Variants in RFX3 observed in about 807,000 individuals in gnomAD.
RFX3 encodes the protein transcription factor RFX3.
Under a neutral mutation model 98.6 loss-of-function variants are expected in RFX3, and 14 were observed. The observed-to-expected ratio is 0.14, with a 90% CI of 0.09 to 0.22. The LOEUF (loss-of-function observed/expected upper bound fraction) is 0.22. RFX3 is among the 10% of genes least tolerant of loss of function. The pLI, the probability that RFX3 is intolerant of heterozygous loss-of-function variation, is 1.00. For missense variants in RFX3, 639 were observed against 926.9 expected (o/e 0.69, Z 4.03); for synonymous variants, 383 against 328.4 (o/e 1.17, Z -1.80).
intron 2 of RFX3, among the ~76,000 whole-genome samples, chr9:3,352,838 G>C (rs1454134152): frequency 1.3e-5 from 2 of 152,050 alleles, no homozygotes; most frequent in African/African-American, 4.8e-5. Flanking sequence ...AACTAGGACA[G>C]AATGATGGTC....
chr9:3,221,699 C>A lies in RFX3; in HGVS notation c.*3343G>T, dbSNP rs1049849239. 1 of 152,130 alleles carries A rather than the reference C, an allele frequency of 6.6e-6. No individual in the cohort carries two copies. Among genetic ancestry groups the A allele is most frequent in the Admixed American group, 6.6e-5 (1 of 15,254 alleles). 9.4% of individuals were successfully genotyped at this position (152,130 alleles called of 1,614,324 possible). ...CCTGTCTTCCAAGGAGATGGTTCAT[C>A]CATTCCACCCTATTGTTCACTGGTT... On this transcript the variant is annotated 3_prime_UTR_variant, in exon 17 of 17. Coordinates refer to ENST00000617270, the MANE Select transcript of RFX3 (RefSeq NM_001282116.2).
intron 4 of RFX3, among the ~76,000 whole-genome samples, chr9:3,325,534 A>C (rs1831811445): frequency 6.6e-6 from 1 of 152,126 alleles, no homozygotes; most frequent in South Asian, 2.1e-4. Flanking sequence ...ATAAAGGTGT[A>C]AAAATTAACT....
chr9:3,277,585 A>AT (rs1402736009), intron 7 of RFX3, 124 bp from the exon 8 acceptor site: 5 of 769,992 alleles, frequency 6.5e-6, no homozygotes, highest in Admixed American at 3.1e-5. Flanking sequence ...TAGTTGTAGG[A>AT]TTTTTTTCCT....
intron 15 of RFX3, among the ~76,000 whole-genome samples, chr9:3,240,647 T>C (rs768037604): frequency 1.3e-5 from 2 of 152,184 alleles, no homozygotes; most frequent in South Asian, 2.1e-4. Flanking sequence ...TGACATTTTA[T>C]GGTAGTATAT....
At chr9:3,351,521 TAAAC>T (rs747802230) in intron 2 of RFX3, among the ~76,000 whole-genome samples, 6 of 151,842 alleles carry the variant, frequency 4.0e-5, no homozygotes, top group East Asian at 3.9e-4. Context: ...ACTAACAACA[TAAAC>T]AAAGTTCAAA....
At chr9:3,493,592 G>A (rs1014984862) in intron 1 of RFX3, among the ~76,000 whole-genome samples, 2 of 149,870 alleles carry the variant, frequency 1.3e-5, no homozygotes, top group Non-Finnish European at 1.5e-5. Flanking sequence ...GCTGTGGCAG[G>A]AGAATGGTGT....
At chr9:3,281,997 T>A (rs1825972232) in intron 7 of RFX3, among the ~76,000 whole-genome samples, 1 of 151,778 alleles carries the variant, frequency 6.6e-6, no homozygotes, top group Non-Finnish European at 1.5e-5. Flanking sequence ...AAATATAAAC[T>A]GTATAGGCAA....
intron 1 of RFX3, among the ~76,000 whole-genome samples, chr9:3,448,438 A>G (rs771485186): frequency 6.6e-6 from 1 of 152,210 alleles, no homozygotes; most frequent in Non-Finnish European, 1.5e-5. Context: ...CATCAGCTGT[A>G]TCACCATGAG....
At chr9:3,328,851 C>G (rs747320999) in intron 4 of RFX3, among the ~76,000 whole-genome samples, 1 of 152,124 alleles carries the variant, frequency 6.6e-6, no homozygotes, top group African/African-American at 2.4e-5. Context: ...TTATTTCTAT[C>G]TCTATTTCAT....
At chr9:3,255,037 G>A (rs1434006331) in intron 14 of RFX3, among the ~76,000 whole-genome samples, 1 of 152,196 alleles carries the variant, frequency 6.6e-6, no homozygotes, top group Non-Finnish European at 1.5e-5. Context: ...CAAAAAACTG[G>A]TTGGCTTTCT....
At chr9:3,250,630 C>T (rs897242718) in intron 14 of RFX3, among the ~76,000 whole-genome samples, 1 of 151,908 alleles carries the variant, frequency 6.6e-6, no homozygotes, top group Non-Finnish European at 1.5e-5. Context: ...AAGATAGTCA[C>T]AACTGCAGCA....
At chr9:3,352,644 T>C (rs1360823023) in intron 2 of RFX3, among the ~76,000 whole-genome samples, 3 of 152,052 alleles carry the variant, frequency 2.0e-5, no homozygotes, top group East Asian at 1.9e-4. Context: ...CTACGGGAAA[T>C]GCCCTGCCAC....
intron 1 of RFX3, among the ~76,000 whole-genome samples, chr9:3,467,991 T>C (rs1415546294): frequency 6.6e-6 from 1 of 152,206 alleles, no homozygotes; most frequent in African/African-American, 2.4e-5. Context: ...AGAATATTTT[T>C]TGAGTACTTC....
intron 1 of RFX3, among the ~76,000 whole-genome samples, chr9:3,413,325 TTAA>T (rs1252384088): frequency 6.6e-6 from 1 of 152,088 alleles, no homozygotes; most frequent in Non-Finnish European, 1.5e-5. Context: ...ACTATAAGAC[TTAA>T]TAAACAATTC....
At chr9:3,494,855 G>A (rs1176255383) in intron 1 of RFX3, among the ~76,000 whole-genome samples, 1 of 151,848 alleles carries the variant, frequency 6.6e-6, no homozygotes, top group Non-Finnish European at 1.5e-5. Context: ...CTCACACAGG[G>A]AATTGAAAAA....
chr9:3,481,208 A>G (rs1849728822), intron 1 of RFX3, among the ~76,000 whole-genome samples: 2 of 152,190 alleles, frequency 1.3e-5, no homozygotes, highest in African/African-American at 4.8e-5. Flanking sequence ...TAACCTGCCC[A>G]TAGTTACACA....
intron 1 of RFX3, among the ~76,000 whole-genome samples, chr9:3,484,912 C>A (rs940044900): frequency 6.8e-6 from 1 of 147,780 alleles, no homozygotes; most frequent in Non-Finnish European, 1.5e-5. Context: ...AGGGAGACAC[C>A]CCCCCCCACC....
chr9:3,340,451 T>A (rs1281763485), intron 3 of RFX3, among the ~76,000 whole-genome samples: 3 of 152,052 alleles, frequency 2.0e-5, no homozygotes, highest in African/African-American at 4.8e-5. Flanking sequence ...GAAACTACCA[T>A]CAGAGTGAAC....
At chr9:3,441,117 G>A (rs1564104459) in intron 1 of RFX3, among the ~76,000 whole-genome samples, 1 of 152,160 alleles carries the variant, frequency 6.6e-6, no homozygotes, top group Non-Finnish European at 1.5e-5. Flanking sequence ...CTCTGAAGCT[G>A]CTTTATATGT....
Sources: allele counts gnomAD v4.1 joint callset (sites outside exome capture counted in the v4.1 genomes callset), GRCh38; gene constraint gnomAD v4.1.1; transcripts MANE v1.5; gene names NCBI Gene and HGNC (gene_info 2026-07-23, HGNC 2026-07-21).